The following PYROXD2 variants were observed in gnomAD, a reference collection of about 807,000 sequenced individuals.
The protein encoded by PYROXD2 is pyridine nucleotide-disulphide oxidoreductase domain 2, also known as pyridine nucleotide-disulfide oxidoreductase domain-containing protein 2.
Under a neutral mutation model 71.1 loss-of-function variants are expected in PYROXD2, and 69 were observed. The observed-to-expected ratio is 0.97, with a 90% CI of 0.80 to 1.19. PYROXD2 has a LOEUF of 1.19. Ranked by LOEUF, PYROXD2 falls within the 50% of genes most tolerant of loss-of-function variation. The pLI, the probability that PYROXD2 is intolerant of heterozygous loss-of-function variation, is 0.00. For missense variants in PYROXD2, 745 were observed against 748.9 expected, an observed-to-expected ratio of 0.99 and a Z score of 0.06; for synonymous variants, 287 against 302.7, an observed-to-expected ratio of 0.95 and a Z score of 0.54.
In PYROXD2 at chr10:98,383,714, G is replaced by A; in HGVS notation, c.*84C>T. ...TGGTGGCCTTATGTACTAACCCGAAGCTGAACTTCCTGGGAAGCTGATCCA... is the reference window on the plus strand; with the variant it reads ...TGGTGGCCTTATGTACTAACCCGAAACTGAACTTCCTGGGAAGCTGATCCA... On this transcript the variant is annotated 3_prime_UTR_variant, in exon 16 of 16. Transcript: ENST00000370575. 2.5e-6 allele frequency: 3 copies of A among 1,201,132 alleles called. No individual in the cohort carries two copies. The allele number at this position is 1,201,132 out of a possible 1,614,324, so 74.4% of individuals were successfully genotyped here. A position where few individuals can be genotyped will look rare whatever the true frequency, so the allele number is the denominator to read the frequency against.
chr10:98,403,584 C>T (rs1843496123), intron 4 of PYROXD2, among the ~76,000 whole-genome samples: 1 of 152,202 alleles, frequency 6.6e-6, no homozygotes, highest in Non-Finnish European at 1.5e-5. Context: ...CTGCTCACGC[C>T]TGCCTGGGTG....
intron 5 of PYROXD2, among the ~76,000 whole-genome samples, chr10:98,398,410 A>G (rs1039478716): frequency 2.6e-5 from 4 of 152,118 alleles, no homozygotes; most frequent in African/African-American, 9.7e-5. Context: ...AGCCTGTGCT[A>G]CTGGAGGCCC....
At chr10:98,398,777 G>A (rs776709797) in intron 5 of PYROXD2, among the ~76,000 whole-genome samples, 3 of 152,146 alleles carry the variant, frequency 2.0e-5, no homozygotes, top group Non-Finnish European at 4.4e-5. Context: ...TTGGACGAGA[G>A]GATGCAGGTG....
intron 2 of PYROXD2, among the ~76,000 whole-genome samples, chr10:98,409,345 G>A (rs1162303681): frequency 1.3e-5 from 2 of 152,324 alleles, no homozygotes; most frequent in South Asian, 4.2e-4. Context: ...TTGCAGGGCT[G>A]TCCCTCCTTC....
At chr10:98,390,019 G>T (rs953164815) in intron 12 of PYROXD2, among the ~76,000 whole-genome samples, 2 of 152,076 alleles carry the variant, frequency 1.3e-5, no homozygotes, top group African/African-American at 4.8e-5. Context: ...TCAGTTTCAT[G>T]CCCCTGCCCC....
chr10:98,384,622 T>C (rs7069953), intron 15 of PYROXD2, among the ~76,000 whole-genome samples: 11,619 of 152,122 alleles, frequency 0.076, 1,167 homozygotes, highest in African/African-American at 0.23. Flanking sequence ...TGTCTAAATA[T>C]ATATACGGAT....
intron 8 of PYROXD2, among the ~76,000 whole-genome samples, chr10:98,394,113 G>A (rs775334676): frequency 3.9e-5 from 6 of 152,102 alleles, no homozygotes; most frequent in Admixed American, 1.3e-4. Context: ...ATCATCACTC[G>A]CTCTGTGTCT....
intron 4 of PYROXD2, among the ~76,000 whole-genome samples, chr10:98,401,240 C>T (rs1386191169): frequency 4.0e-5 from 5 of 124,926 alleles, no homozygotes; most frequent in African/African-American, 1.3e-4. Flanking sequence ...GGTGACAAAG[C>T]AAGACTCTGT....
At position 98,384,975 on chromosome 10, in the gene PYROXD2, C is replaced by T; in HGVS notation, c.1647G>A (p.Leu549=). ...GATGAGCCCCACTTCCACAGAGATA[C>T]AGGCCCTGGAGAGGGCAGCGGTAGC... is the stretch of plus-strand genomic sequence containing the variant. ...HSGYRCPLQG[L]YLCGSGAHPG... is the part of the protein sequence containing the mutation. Residue 549 remains leucine, a synonymous_variant, in exon 15 of 16, where the codon CTG becomes CTA. Transcript: ENST00000370575. 6.2e-7 allele frequency: 1 copy of T among 1,613,530 alleles called. No individual in the cohort carries two copies. Among genetic ancestry groups the T allele is most frequent in the Non-Finnish European group, 8.5e-7 (1 of 1,179,854 alleles).
chr10:98,404,374 G>A (rs971665991), intron 4 of PYROXD2, among the ~76,000 whole-genome samples: 3 of 152,120 alleles, frequency 2.0e-5, no homozygotes, highest in African/African-American at 7.2e-5. Flanking sequence ...TCCAGCTCGG[G>A]AGCCTGATTC....
intron 1 of PYROXD2, 122 bp downstream of exon 1, chr10:98,414,887 G>T: frequency 2.8e-6 from 4 of 1,408,352 alleles, no homozygotes; most frequent in Non-Finnish European, 2.8e-6. Flanking sequence ...ATAAACTTCT[G>T]GCTGGGTTAT....
chr10:98,386,191 G>A (rs1254506334), intron 14 of PYROXD2, among the ~76,000 whole-genome samples: 2 of 151,958 alleles, frequency 1.3e-5, no homozygotes, highest in Non-Finnish European at 2.9e-5. Flanking sequence ...GTGGGAGGAT[G>A]GATGGCTTCA....
At chr10:98,385,428 C>A (rs986128157) in intron 14 of PYROXD2, among the ~76,000 whole-genome samples, 2 of 152,246 alleles carry the variant, frequency 1.3e-5, no homozygotes, top group African/African-American at 4.8e-5. Flanking sequence ...CCTTCTCTGG[C>A]CAAGGCATCC....
Position 98,383,579 on chromosome 10 carries a change from T to G in PYROXD2, c.*219A>C. 1 of 598,050 alleles carries G rather than the reference T, an allele frequency of 1.7e-6. No homozygotes were observed. The allele number at this position is 598,050 out of a possible 1,614,324, so 37.0% of individuals were successfully genotyped here. ...TACAAGCAAAATAATCTGTATGAAA[T>G]ATTAGTTTTAATAAAACAGAACCAG... On this transcript the variant is annotated 3_prime_UTR_variant, in exon 16 of 16. Coordinates refer to ENST00000370575, the MANE Select transcript of PYROXD2 (RefSeq NM_032709.3).
In PYROXD2 at chr10:98,407,931, C is replaced by T; in HGVS notation, c.214G>A (p.Ala72Thr). 1 of 1,610,588 alleles carries T rather than the reference C, an allele frequency of 6.2e-7. No homozygotes were observed. The change falls in exon 3 of 16, where the codon GCA becomes ACA. Residue 72 changes from alanine to threonine, a missense_variant. Coordinates refer to ENST00000370575, the MANE Select transcript of PYROXD2 (RefSeq NM_032709.3). Reference sequence around the variant, plus strand: ...GGGATGATCTCCTCAGTGACAGCTGCACCCCCGATCACATGGCGCCTCTCG... The same window carrying T: ...GGGATGATCTCCTCAGTGACAGCTGTACCCCCGATCACATGGCGCCTCTCG... Reference protein sequence around the residue: ...VFERRHVIGGAAVTEEIIPGF... With the variant: ...VFERRHVIGGTAVTEEIIPGF...
intron 13 of PYROXD2, chr10:98,388,041 CT>C (rs1842814302): frequency 3.2e-6 from 1 of 309,530 alleles, no homozygotes; most frequent in Admixed American, 4.8e-5. Flanking sequence ...CCTTCCTTGT[CT>C]CTCTGGCTCA....
intron 10 of PYROXD2, among the ~76,000 whole-genome samples, chr10:98,391,993 G>GA (rs1371885165): frequency 6.6e-6 from 1 of 152,164 alleles, no homozygotes; most frequent in African/African-American, 2.4e-5. Context: ...AAGATCAACT[G>GA]AAGTCTCCAG....
chr10:98,407,972 A>G lies in PYROXD2; in HGVS notation c.173T>C (p.Val58Ala), dbSNP rs781614079. Residue 58 changes from valine (V) to alanine (A), a missense_variant, in exon 3 of 16, where the codon GTG becomes GCG. Val to Ala is a moderately conservative substitution (Grantham distance 64). Coordinates refer to ENST00000370575, the MANE Select transcript of PYROXD2 (RefSeq NM_032709.3). ...GCGCCTCTCGAAGACGGCGGTGTTC[A>G]CCCCCAGTCTCTGCAGGTACGCTGC... ...VAAAYLQRLG[V>A]NTAVFERRHV... The G allele has an allele frequency of 1.9e-6, 3 of 1,608,618 alleles. No homozygotes were observed. Among genetic ancestry groups the G allele is most frequent in the Admixed American group, 1.7e-5 (1 of 59,622 alleles).
chr10:98,409,360 C>T (rs996559113), intron 2 of PYROXD2, among the ~76,000 whole-genome samples: 2 of 152,226 alleles, frequency 1.3e-5, no homozygotes, highest in Non-Finnish European at 2.9e-5. Context: ...TCCTTCCTGA[C>T]AGTATCTAAT....
Sources: allele counts gnomAD v4.1 joint callset (sites outside exome capture counted in the v4.1 genomes callset), GRCh38; gene constraint gnomAD v4.1.1; transcripts MANE v1.5; gene names NCBI Gene and HGNC (gene_info 2026-07-23, HGNC 2026-07-21).